Variants in C1orf87 observed in about 807,000 individuals in gnomAD.
The protein encoded by C1orf87 is chromosome 1 open reading frame 87.
In C1orf87, 58 loss-of-function variants were observed where a neutral mutation model predicts 60.5. That is an observed-to-expected ratio of 0.96 (90% CI 0.78 to 1.19). The LOEUF (loss-of-function observed/expected upper bound fraction) is 1.19, where lower values mean the gene tolerates loss of function less well. C1orf87 is among the 50% of genes most tolerant of loss of function. C1orf87 has a pLI of 0.00. For missense variants in C1orf87, 673 were observed against 638.6 expected (o/e 1.05, Z -0.58); for synonymous variants, 236 against 227.4 (o/e 1.04, Z -0.34).
At chr1:60,022,360 G>A (rs1645169719) in intron 8 of C1orf87, among the ~76,000 whole-genome samples, 1 of 151,842 alleles carries the variant, frequency 6.6e-6, no homozygotes, top group African/African-American at 2.4e-5. Flanking sequence ...ACCAGATTCT[G>A]GATATGAGTT....
rs1644974061 is a variant in C1orf87 at position 59,997,830 on chromosome 1, A to G, written c.1273-14T>C. 2.5e-6 allele frequency: 4 copies of G among 1,611,184 alleles called. No individual in the cohort carries two copies. On this transcript the variant is annotated splice_polypyrimidine_tract_variant and intron_variant, in intron 10 of 11. Transcript: ENST00000371201. ...TTCTGGAGTTTTCTACCAAAACAAC[A>G]AAAGCATTGGCAACACATTCACCAC... is the stretch of plus-strand genomic sequence containing the variant.
chr1:60,035,131 A>G (rs1322069662), intron 6 of C1orf87, among the ~76,000 whole-genome samples: 3 of 152,192 alleles, frequency 2.0e-5, no homozygotes, highest in East Asian at 3.8e-4. Flanking sequence ...TCCACCTCTC[A>G]CTGTGGCAGA....
chr1:60,069,056 T>C (rs540351142), intron 2 of C1orf87, among the ~76,000 whole-genome samples: 2 of 152,332 alleles, frequency 1.3e-5, no homozygotes, highest in East Asian at 3.9e-4. Flanking sequence ...GTGCTGGGGA[T>C]ATAGTTGTGC....
At chr1:60,016,798 CAT>C (rs1413422214) in intron 8 of C1orf87, among the ~76,000 whole-genome samples, 2 of 152,172 alleles carry the variant, frequency 1.3e-5, no homozygotes, top group African/African-American at 4.8e-5. Flanking sequence ...CTTTGGTATT[CAT>C]ATCTTACATG....
chr1:60,033,408 T>C (rs2100286964), intron 7 of C1orf87, 68 bp downstream of exon 7: 3 of 1,452,852 alleles, frequency 2.1e-6, no homozygotes, highest in Non-Finnish European at 2.8e-6. Flanking sequence ...CTGTGCCTTA[T>C]TGCTATAGAC....
chr1:60,056,378 A>G (rs372937904), intron 2 of C1orf87, among the ~76,000 whole-genome samples: 2 of 152,342 alleles, frequency 1.3e-5, no homozygotes, highest in East Asian at 3.9e-4. Flanking sequence ...AAACTCTGAC[A>G]TTGTAGAACA....
chr1:60,064,938 A>AT (rs2100331776), intron 2 of C1orf87, among the ~76,000 whole-genome samples: 1 of 57,816 alleles, frequency 1.7e-5, no homozygotes, highest in South Asian at 5.8e-4. Context: ...TATATAATAT[A>AT]AAATATATAA....
chr1:60,043,782 C>A (rs947873543), intron 3 of C1orf87, among the ~76,000 whole-genome samples: 13 of 134,614 alleles, frequency 9.7e-5, no homozygotes, highest in Non-Finnish European at 1.9e-4. Flanking sequence ...CAGCCACACA[C>A]AATTTTTTTT....
intron 2 of C1orf87, among the ~76,000 whole-genome samples, chr1:60,071,104 A>T (rs1645581496): frequency 6.6e-6 from 1 of 152,188 alleles, no homozygotes; most frequent in South Asian, 2.1e-4. Flanking sequence ...TAGTTTCCTC[A>T]TCTACAAAAC....
intron 2 of C1orf87, 141 bp downstream of exon 2, chr1:60,072,396 G>A (rs932558631): frequency 1.2e-5 from 7 of 590,794 alleles, no homozygotes; most frequent in East Asian, 1.2e-4. Context: ...TTATCAACAC[G>A]ATTTTACCTC....
intron 7 of C1orf87, among the ~76,000 whole-genome samples, chr1:60,029,853 A>C (rs190859422): frequency 3.5e-4 from 53 of 151,906 alleles, no homozygotes; most frequent in Admixed American, 1.1e-3. Flanking sequence ...GTTGGCCAGG[A>C]TGGTCTCCAT....
intron 5 of C1orf87, among the ~76,000 whole-genome samples, chr1:60,039,534 T>C (rs565782754): frequency 6.6e-6 from 1 of 152,314 alleles, no homozygotes; most frequent in South Asian, 2.1e-4. Flanking sequence ...TCTAACTCTC[T>C]AGGAAGTTGT....
chr1:60,064,601 G>C (rs1645523110), intron 2 of C1orf87, among the ~76,000 whole-genome samples: 1 of 99,294 alleles, frequency 1.0e-5, no homozygotes, highest in Admixed American at 1.6e-4. Flanking sequence ...ATATATATAT[G>C]TCCTATATAT....
chr1:60,045,137 A>G (rs1447121894), intron 3 of C1orf87, among the ~76,000 whole-genome samples: 2 of 152,204 alleles, frequency 1.3e-5, no homozygotes, highest in African/African-American at 2.4e-5. Context: ...GGTTTGGGAG[A>G]AAATTTCCAG....
chr1:60,072,567 T>C lies in C1orf87; in HGVS notation c.77A>G (p.His26Arg). ...EIMVKIIGSK[H>R]FQYLVEKPKI... ...TGGCTTCTCCACGAGGTATTGAAAG[T>C]GTTTACTTCCAATGATTTTCACCAT... Residue 26 changes from histidine to arginine, a missense_variant, in exon 2 of 12, where the codon CAC becomes CGC. Physicochemically the swap from His to Arg is conservative, Grantham distance 29. Transcript: ENST00000371201. 1 of 1,612,806 alleles carries C rather than the reference T, an allele frequency of 6.2e-7. No individual in the cohort carries two copies. The highest frequency in any genetic ancestry group is 8.5e-7 in the Non-Finnish European group (1 of 1,179,804).
At position 60,072,956 on chromosome 1, in the gene C1orf87, GC is replaced by G. The variant is rs58142598; in HGVS notation, c.-27-287del. ...GAATCTCACCTAAGAGGTCTGTACA[GC>G]AGATCTACTGAATCATTAGGTGACT... On this transcript the variant is annotated intron_variant, in intron 1 of 11. Coordinates refer to ENST00000371201, the MANE Select transcript of C1orf87 (RefSeq NM_152377.3). 1.5e-3 allele frequency among the ~76,000 whole-genome samples: 225 copies of G among 152,310 alleles called. 2 individuals carry two copies. In the East Asian group the frequency reaches 0.025, roughly 17 times the overall value.
intron 3 of C1orf87, among the ~76,000 whole-genome samples, chr1:60,049,663 C>T (rs1645399488): frequency 6.6e-6 from 1 of 152,004 alleles, no homozygotes; most frequent in South Asian, 2.1e-4. Context: ...AAGAAAGTTT[C>T]CCCTTATCCC....
intron 3 of C1orf87, among the ~76,000 whole-genome samples, chr1:60,053,991 T>C (rs1014790119): frequency 6.6e-6 from 1 of 152,206 alleles, no homozygotes; most frequent in Non-Finnish European, 1.5e-5. Context: ...TAACGTCTTT[T>C]ATAACCATAA....
chr1:60,046,610 T>C (rs1428154892), intron 3 of C1orf87, among the ~76,000 whole-genome samples: 2 of 151,918 alleles, frequency 1.3e-5, no homozygotes, highest in African/African-American at 4.8e-5. Flanking sequence ...AGCTAACTTT[T>C]TGTTTTTTGT....
Sources: gnomAD v4.1 joint callset for allele counts (sites outside exome capture counted in the v4.1 genomes callset) on GRCh38, gnomAD v4.1.1 for gene constraint, MANE v1.5 for transcripts, NCBI Gene and HGNC (gene_info 2026-07-23, HGNC 2026-07-21) for gene names.